Variants in CNST observed in about 807,000 individuals in gnomAD.
CNST encodes consortin.
In CNST, 39 loss-of-function variants were observed where a neutral mutation model predicts 72.4. That is an observed-to-expected ratio of 0.54 (90% confidence interval 0.42 to 0.70). The LOEUF (loss-of-function observed/expected upper bound fraction) is 0.70, where lower values mean the gene tolerates loss of function less well. Ranked by LOEUF, CNST falls within the 30% of genes least tolerant of loss-of-function variation. CNST has a pLI of 0.00. For missense variants in CNST, 871 were observed against 868.5 expected (o/e 1.00, Z -0.04); for synonymous variants, 332 against 320.1 (o/e 1.04, Z -0.40).
At chr1:246,596,131 A>G (rs753927444) in intron 2 of CNST, among the ~76,000 whole-genome samples, 1 of 152,168 alleles carries the variant, frequency 6.6e-6, no homozygotes, top group Non-Finnish European at 1.5e-5. Flanking sequence ...AGTTTTCATT[A>G]TAGGGCGGGT....
chr1:246,603,895 TATGTGTTATGA>T (rs1662489243), intron 2 of CNST, among the ~76,000 whole-genome samples: 1 of 152,116 alleles, frequency 6.6e-6, no homozygotes, highest in East Asian at 1.9e-4. Context: ...GCCACTGAAT[TATGTGTTATGA>T]GAATTATATC....
chr1:246,579,014 A>C (rs781409743), intron 1 of CNST, among the ~76,000 whole-genome samples: 39 of 152,276 alleles, frequency 2.6e-4, no homozygotes, highest in Non-Finnish European at 4.8e-4. Context: ...AAGCGTAAGC[A>C]CTATATAAAT....
Position 246,665,833 on chromosome 1 carries a change from C to G in CNST, c.2106C>G (p.Asp702Glu). The G allele has an allele frequency of 6.2e-7, 1 of 1,613,996 alleles. No individual in the cohort carries two copies. The highest frequency in any genetic ancestry group is 2.2e-5 in the East Asian group (1 of 44,882). The stretch of plus-strand genomic sequence containing the variant: ...CACCTGTTTGTACTGACTTTGCAGA[C>G]AACATGGACTTCTATTACACTAAGT... ...MESPVCTDFA[D>E]NMDFYYTKLL... Residue 702 changes from aspartate to glutamate, a missense_variant, in exon 11 of 11, where the codon GAC (aspartate) becomes GAG (glutamate). By Grantham distance (45) the Asp-to-Glu change is conservative. Coordinates refer to ENST00000366513, the MANE Select transcript of CNST (RefSeq NM_152609.3).
intron 1 of CNST, among the ~76,000 whole-genome samples, chr1:246,567,064 A>G (rs1211041062): frequency 8.3e-6 from 1 of 119,806 alleles, no homozygotes; most frequent in African/African-American, 3.2e-5. Context: ...CCCCATCACT[A>G]CCACTTTGGT....
chr1:246,652,991 G>A (rs778603828), intron 9 of CNST, among the ~76,000 whole-genome samples: 1 of 150,544 alleles, frequency 6.6e-6, no homozygotes, highest in Non-Finnish European at 1.5e-5. Context: ...GCTACAGAGT[G>A]AGACTCTGTC....
chr1:246,618,028 T>G (rs1001599353), intron 2 of CNST, among the ~76,000 whole-genome samples: 1 of 152,150 alleles, frequency 6.6e-6, no homozygotes, highest in Non-Finnish European at 1.5e-5. Flanking sequence ...ACTATTTGTG[T>G]AGTCACCAGT....
chr1:246,597,415 G>C (rs1661963117), intron 2 of CNST, among the ~76,000 whole-genome samples: 1 of 152,144 alleles, frequency 6.6e-6, no homozygotes, highest in South Asian at 2.1e-4. Context: ...GGCTACCACT[G>C]TCCCATAAAG....
intron 9 of CNST, among the ~76,000 whole-genome samples, chr1:246,656,793 A>T (rs1470629052): frequency 1.1e-4 from 17 of 152,008 alleles, no homozygotes; most frequent in Admixed American, 1.1e-3. Context: ...TTAGCCAGGC[A>T]TGGTGGCGTG....
intron 1 of CNST, among the ~76,000 whole-genome samples, chr1:246,567,429 TTAGAGCTTTTACCCA>T: frequency 6.6e-6 from 1 of 152,198 alleles, no homozygotes; most frequent in Admixed American, 6.5e-5. Context: ...AGGATCAAAC[TTAGAGCTTTTACCCA>T]TTATCCTTAC....
At chr1:246,584,226 C>T (rs1660992483) in intron 1 of CNST, among the ~76,000 whole-genome samples, 1 of 152,216 alleles carries the variant, frequency 6.6e-6, no homozygotes, top group Non-Finnish European at 1.5e-5. Flanking sequence ...CATATGTTGG[C>T]TTTCTTGTAT....
At position 246,647,644 on chromosome 1, in the gene CNST, A is replaced by C; in HGVS notation, c.1443A>C (p.Leu481Phe). Reference protein sequence around the residue: ...LPTDQLENNELNELQQPDLTD... With the variant: ...LPTDQLENNEFNELQQPDLTD... ...CAGACCAACTTGAGAACAATGAATTAAATGAGCTGCAGCAGCCTGATCTTA... is the reference window on the plus strand; with the variant it reads ...CAGACCAACTTGAGAACAATGAATTCAATGAGCTGCAGCAGCCTGATCTTA... The change falls in exon 9 of 11, where the codon TTA becomes TTC. Residue 481 changes from leucine to phenylalanine, a missense_variant. Physicochemically the swap from Leu to Phe is conservative, Grantham distance 22 (BLOSUM62 0). Transcript: ENST00000366513. 4 of 1,614,184 alleles carry C rather than the reference A, an allele frequency of 2.5e-6. No homozygotes were observed. The highest frequency in any genetic ancestry group is 3.4e-6 in the Non-Finnish European group (4 of 1,180,036).
At chr1:246,606,829 T>G (rs1197203741) in intron 2 of CNST, 1 of 152,162 alleles carries the variant, frequency 6.6e-6, no homozygotes, top group Middle Eastern at 3.2e-3. Flanking sequence ...CAGGTTGAAT[T>G]GTGCGTAGGA....
intron 1 of CNST, among the ~76,000 whole-genome samples, chr1:246,582,800 G>A (rs972845252): frequency 1.2e-4 from 18 of 152,170 alleles, no homozygotes; most frequent in Admixed American, 5.2e-4. Context: ...CCTCAGGTAC[G>A]AGTAGAATGG....
At chr1:246,602,196 A>C (rs573322451) in intron 2 of CNST, among the ~76,000 whole-genome samples, 1 of 152,310 alleles carries the variant, frequency 6.6e-6, no homozygotes, top group Admixed American at 6.5e-5. Context: ...AAAATATAAT[A>C]AAAAAGCAGA....
At chr1:246,575,508 A>G (rs1207826483) in intron 1 of CNST, among the ~76,000 whole-genome samples, 2 of 152,194 alleles carry the variant, frequency 1.3e-5, no homozygotes, top group East Asian at 1.9e-4. Flanking sequence ...AATGTCCAGA[A>G]TATGTAAATC....
At chr1:246,613,353 C>A (rs528820768) in intron 2 of CNST, among the ~76,000 whole-genome samples, 1 of 152,050 alleles carries the variant, frequency 6.6e-6, no homozygotes, top group East Asian at 1.9e-4. Context: ...ATGATTCCTG[C>A]CTGCCAGCCT....
intron 1 of CNST, among the ~76,000 whole-genome samples, chr1:246,586,141 G>GTA (rs1553370764): frequency 0.012 from 1,709 of 145,078 alleles, 50 homozygotes; most frequent in African/African-American, 0.041. Context: ...GTGTGTGTGT[G>GTA]TATATATTAC....
At chr1:246,568,466 C>T (rs1305063513) in intron 1 of CNST, among the ~76,000 whole-genome samples, 1 of 152,088 alleles carries the variant, frequency 6.6e-6, no homozygotes, top group Non-Finnish European at 1.5e-5. Flanking sequence ...GTTGATTTCA[C>T]CTTAAAGATG....
chr1:246,571,629 T>C (rs1660078861), intron 1 of CNST, among the ~76,000 whole-genome samples: 1 of 152,218 alleles, frequency 6.6e-6, no homozygotes, highest in Non-Finnish European at 1.5e-5. Flanking sequence ...AAGATGATTT[T>C]TCCTTTTAGA....
Sources: allele counts gnomAD v4.1 joint callset (sites outside exome capture counted in the v4.1 genomes callset), GRCh38; gene constraint gnomAD v4.1.1; transcripts MANE v1.5; gene names NCBI Gene and HGNC (gene_info 2026-07-23, HGNC 2026-07-21).